Variants in TBC1D4 observed in about 807,000 individuals in gnomAD.
TBC1D4 encodes TBC (Tre-2, BUB2, CDC16) domain-containing protein.
A neutral mutation model predicts 142.5 loss-of-function variants in TBC1D4; 121 were observed. The observed-to-expected ratio is 0.85, with a 90% CI of 0.73 to 0.99. The LOEUF (loss-of-function observed/expected upper bound fraction) is 0.99, where lower values mean the gene tolerates loss of function less well. TBC1D4 is among the 50% of genes least tolerant of loss of function. TBC1D4 has a pLI of 0.00. For synonymous variants in TBC1D4, 630 were observed against 628.2 expected (o/e 1.00, Z -0.04); for missense variants, 1,475 against 1,606.6 (o/e 0.92, Z 1.40).
intron 1 of TBC1D4, among the ~76,000 whole-genome samples, chr13:75,390,759 C>T (rs958495802): frequency 6.7e-6 from 1 of 148,552 alleles, no homozygotes; most frequent in Non-Finnish European, 1.5e-5. Context: ...AGAGAAAAAC[C>T]TCATCTTTCT....
intron 1 of TBC1D4, among the ~76,000 whole-genome samples, chr13:75,480,313 C>T (rs753775523): frequency 3.9e-5 from 6 of 152,178 alleles, no homozygotes; most frequent in Non-Finnish European, 8.8e-5. Context: ...ACCTAAAGTA[C>T]TGTGCAAACA....
intron 1 of TBC1D4, among the ~76,000 whole-genome samples, chr13:75,363,083 C>G (rs1566428322): frequency 1.3e-5 from 2 of 152,084 alleles, no homozygotes; most frequent in African/African-American, 2.4e-5. Context: ...CACTATATAC[C>G]TCTTAGAATG....
intron 1 of TBC1D4, among the ~76,000 whole-genome samples, chr13:75,383,582 G>A (rs1279504995): frequency 1.3e-5 from 2 of 151,924 alleles, no homozygotes; most frequent in East Asian, 1.9e-4. Flanking sequence ...TTTTGGAGAG[G>A]GTCCACATTC....
chr13:75,331,301 C>T (rs1879719667), intron 8 of TBC1D4, among the ~76,000 whole-genome samples: 1 of 151,740 alleles, frequency 6.6e-6, no homozygotes, highest in Non-Finnish European at 1.5e-5. Context: ...CGAGACCAGC[C>T]TGGGCAACAT....
intron 1 of TBC1D4, among the ~76,000 whole-genome samples, chr13:75,448,847 GTAAA>G: frequency 6.6e-6 from 1 of 152,074 alleles, no homozygotes; most frequent in Middle Eastern, 3.4e-3. Context: ...GTCATGTTTA[GTAAA>G]TAATAAACTT....
chr13:75,437,934 T>C (rs1886867588), intron 1 of TBC1D4, among the ~76,000 whole-genome samples: 1 of 152,212 alleles, frequency 6.6e-6, no homozygotes, highest in Non-Finnish European at 1.5e-5. Flanking sequence ...AATCTGTTTT[T>C]TAAAATCCTT....
chr13:75,464,329 C>G (rs1245568158), intron 1 of TBC1D4, among the ~76,000 whole-genome samples: 1 of 152,224 alleles, frequency 6.6e-6, no homozygotes, highest in Admixed American at 6.5e-5. Context: ...GAACACTTGG[C>G]CCATGCTGGG....
intron 1 of TBC1D4, among the ~76,000 whole-genome samples, chr13:75,409,984 T>C (rs576169255): frequency 6.6e-6 from 1 of 152,334 alleles, no homozygotes; most frequent in East Asian, 1.9e-4. Flanking sequence ...GCTTTCAGAT[T>C]TTTAAATTTG....
At chr13:75,462,594 G>A (rs1888016965) in intron 1 of TBC1D4, among the ~76,000 whole-genome samples, 1 of 150,774 alleles carries the variant, frequency 6.6e-6, no homozygotes, top group South Asian at 2.1e-4. Flanking sequence ...ACCCTCCCCT[G>A]CCCCCCATCC....
intron 1 of TBC1D4, among the ~76,000 whole-genome samples, chr13:75,437,715 C>G (rs1886860192): frequency 6.6e-6 from 1 of 151,952 alleles, no homozygotes; most frequent in Non-Finnish European, 1.5e-5. Context: ...TTTGGCAGCT[C>G]TCCAGTGGAT....
At chr13:75,316,967 C>T (rs1253749386) in intron 12 of TBC1D4, among the ~76,000 whole-genome samples, 1 of 152,118 alleles carries the variant, frequency 6.6e-6, no homozygotes, top group Non-Finnish European at 1.5e-5. Flanking sequence ...TACTTCATGC[C>T]AGGTATCGAT....
intron 1 of TBC1D4, among the ~76,000 whole-genome samples, chr13:75,425,507 AT>A (rs1347361750): frequency 1.3e-5 from 2 of 152,226 alleles, no homozygotes; most frequent in Non-Finnish European, 2.9e-5. Context: ...TTGAAAAGGT[AT>A]CTATACTATC....
intron 12 of TBC1D4, among the ~76,000 whole-genome samples, chr13:75,317,521 C>A (rs1878415093): frequency 6.6e-6 from 1 of 152,164 alleles, no homozygotes; most frequent in South Asian, 2.1e-4. Flanking sequence ...GTTGAATATA[C>A]ATACACTGGT....
At chr13:75,378,737 C>T (rs1390408407) in intron 1 of TBC1D4, among the ~76,000 whole-genome samples, 1 of 152,042 alleles carries the variant, frequency 6.6e-6, no homozygotes, top group Non-Finnish European at 1.5e-5. Flanking sequence ...TTTTTCTATA[C>T]TTCTAAATGT....
chr13:75,348,954 A>AGAGAGAGAGAGT (rs969343152), intron 5 of TBC1D4, among the ~76,000 whole-genome samples: 4 of 139,084 alleles, frequency 2.9e-5, no homozygotes, highest in African/African-American at 1.1e-4. Context: ...AGAGAGAGAG[A>AGAGAGAGAGAGT]GTGTGTGTGT....
chr13:75,398,366 CTGAAGGGCCT>C (rs1456886752), intron 1 of TBC1D4, among the ~76,000 whole-genome samples: 1 of 152,084 alleles, frequency 6.6e-6, no homozygotes, highest in East Asian at 1.9e-4. Flanking sequence ...TGTGTGGAGC[CTGAAGGGCCT>C]CGAGGAAATG....
At position 75,362,530 on chromosome 13, in the gene TBC1D4, A is replaced by G; in HGVS notation, c.576T>C (p.Asn192=). The G allele has an allele frequency of 6.2e-7, 1 of 1,614,234 alleles. No homozygotes were observed. Among genetic ancestry groups the G allele is most frequent in the Admixed American group, 1.7e-5 (1 of 60,026 alleles). ...MKEDAKPSKD[N]EDAFYNSQKF... ...TCTGAGAGTTGTAAAAGGCGTCCTC[A>G]TTATCTTTGCTGGGTTTGGCATCCT... The change falls in exon 2 of 21, where the codon AAT becomes AAC. Residue 192 remains asparagine (N), a synonymous_variant. Coordinates refer to ENST00000377636, the MANE Select transcript of TBC1D4 (RefSeq NM_014832.5). This position sits in a 1 kb window ranked among gnomAD's most constrained non-coding sequence, Gnocchi z 4.2.
intron 14 of TBC1D4, among the ~76,000 whole-genome samples, chr13:75,307,696 TATAAC>T (rs1877320945): frequency 6.6e-6 from 1 of 152,202 alleles, no homozygotes. Context: ...TAAAATATCT[TATAAC>T]AAACTGTTAT....
At chr13:75,398,853 G>C (rs1313428494) in intron 1 of TBC1D4, among the ~76,000 whole-genome samples, 1 of 152,128 alleles carries the variant, frequency 6.6e-6, no homozygotes, top group Non-Finnish European at 1.5e-5. Context: ...CTGTCTCCCA[G>C]ACCCACTTAT....
Sources: allele counts gnomAD v4.1 joint callset (sites outside exome capture counted in the v4.1 genomes callset), GRCh38; gene constraint gnomAD v4.1.1; non-coding constraint Gnocchi (gnomAD v3.1); transcripts MANE v1.5; gene names NCBI Gene and HGNC (gene_info 2026-07-23, HGNC 2026-07-21).